ABCC9: variants seen among roughly 807,000 people sequenced by gnomAD.
ABCC9 encodes the protein ATP binding cassette subfamily C member 9, also known as ATP-binding cassette sub-family C member 9.
A neutral mutation model predicts 188.3 loss-of-function variants in ABCC9; 95 were observed. The ratio of observed to expected loss-of-function variants is 0.50; its 90% CI spans 0.43 to 0.60. The LOEUF (loss-of-function observed/expected upper bound fraction) is 0.60. ABCC9 is among the 20% of genes least tolerant of loss of function. The probability of loss-of-function intolerance (pLI) is 0.00; values close to 1 mark genes in which losing one functional copy is unlikely to be tolerated. For missense variants in ABCC9, 1,102 were observed against 1,876.3 expected, an observed-to-expected ratio of 0.59 and a Z score of 7.62; for synonymous variants, 659 against 652.7, an observed-to-expected ratio of 1.01 and a Z score of -0.15.
chr12:21,826,270 A>G (rs923490675), intron 31 of ABCC9, among the ~76,000 whole-genome samples: 2 of 152,192 alleles, frequency 1.3e-5, no homozygotes, highest in South Asian at 4.1e-4. Context: ...TACTTTAAAA[A>G]AAAAAAGACT....
intron 39 of ABCC9, 23 bp downstream of exon 39, chr12:21,805,975 C>A: frequency 6.2e-7 from 1 of 1,612,308 alleles, no homozygotes; most frequent in Non-Finnish European, 8.5e-7. Flanking sequence ...AGAGGTATAC[C>A]AACTCCGTCT....
intron 28 of ABCC9, among the ~76,000 whole-genome samples, chr12:21,843,044 A>G (rs1034332054): frequency 1.3e-5 from 2 of 152,116 alleles, no homozygotes; most frequent in African/African-American, 4.8e-5. Context: ...TAGCTCAATC[A>G]CAATTTAAAG....
chr12:21,818,760 T>A (rs1942846036), intron 31 of ABCC9, among the ~76,000 whole-genome samples: 1 of 151,732 alleles, frequency 6.6e-6, no homozygotes, highest in African/African-American at 2.4e-5. Context: ...GGATTATGAT[T>A]AGCTCCTTTG....
At chr12:21,873,594 C>T (rs1359954040) in intron 17 of ABCC9, among the ~76,000 whole-genome samples, 2 of 151,928 alleles carry the variant, frequency 1.3e-5, no homozygotes, top group East Asian at 3.9e-4. Context: ...AAGAGTAGAC[C>T]CCAAATACCC....
chr12:21,807,859 C>T (rs1164215583), intron 37 of ABCC9, among the ~76,000 whole-genome samples: 1 of 152,110 alleles, frequency 6.6e-6, no homozygotes, highest in Non-Finnish European at 1.5e-5. Context: ...TGATAAGATA[C>T]AGAATATTCT....
chr12:21,926,003 AG>A lies in ABCC9; in HGVS notation c.344del (p.Thr115IlefsTer5). On this transcript the variant is annotated frameshift_variant, in exon 5 of 40. Coordinates refer to ENST00000261200, the MANE Select transcript of ABCC9 (RefSeq NM_020297.4). LOFTEE classifies it high-confidence loss of function. Reference sequence around the variant, plus strand: ...TATGATAATACACTATCGATGTTGTAGTGGCAACGAATCCCATCACGGCTGG... The same window carrying A: ...TATGATAATACACTATCGATGTTGTATGGCAACGAATCCCATCACGGCTGG... ...FMPAVMGFVA[T>X]TTSIVYYHNI... 6.2e-7 allele frequency: 1 copy of A among 1,614,124 alleles called. No individual in the cohort carries two copies. The highest frequency in any genetic ancestry group is 8.5e-7 in the Non-Finnish European group (1 of 1,179,948).
intron 15 of ABCC9, among the ~76,000 whole-genome samples, chr12:21,885,586 GT>G (rs1946833839): frequency 6.6e-6 from 1 of 152,066 alleles, no homozygotes; most frequent in Non-Finnish European, 1.5e-5. Flanking sequence ...GACGAGACTG[GT>G]TCTAATCAAA....
intron 5 of ABCC9, chr12:21,923,899 C>T (rs1948942008): frequency 5.8e-6 from 4 of 689,714 alleles, no homozygotes; most frequent in South Asian, 4.7e-5. Context: ...ATTGAAAAAA[C>T]TATGATATAG....
rs544044497 is a variant in ABCC9, at chr12:21,916,561, T to G, written c.573+376A>C. 4.6e-5 allele frequency among the ~76,000 whole-genome samples: 7 copies of G among 152,302 alleles called. No individual in the cohort carries two copies. The South Asian group carries it at 8.3e-4, about 18-fold the overall frequency. ...GCAAAATGAGCAAACTGGATTAGAT[T>G]ATTTTCTTTTCAGTTTTAAATTTCT... On this transcript the variant is annotated intron_variant, in intron 6 of 39. Transcript: ENST00000261200.
chr12:21,927,317 G>A (rs1949081408), intron 4 of ABCC9, among the ~76,000 whole-genome samples: 1 of 152,158 alleles, frequency 6.6e-6, no homozygotes, highest in Non-Finnish European at 1.5e-5. Flanking sequence ...TAAACGGATA[G>A]CTCTAGCAGT....
At chr12:21,914,986 C>T (rs1024860466) in intron 7 of ABCC9, among the ~76,000 whole-genome samples, 19 of 150,078 alleles carry the variant, frequency 1.3e-4, no homozygotes, top group African/African-American at 4.7e-4. Context: ...CCACAACTTT[C>T]GCCTCCCGGT....
At chr12:21,811,003 T>C (rs979158053) in intron 36 of ABCC9, among the ~76,000 whole-genome samples, 1 of 152,104 alleles carries the variant, frequency 6.6e-6, no homozygotes, top group African/African-American at 2.4e-5. Flanking sequence ...GATGCTGATA[T>C]CATTTTGCTC....
chr12:21,842,265 C>T lies in ABCC9; in HGVS notation c.3473+49G>A, dbSNP rs781388572. On this transcript the variant is annotated intron_variant, in intron 29 of 39. Coordinates refer to ENST00000261200, the MANE Select transcript of ABCC9 (RefSeq NM_020297.4). Reference sequence around the variant, plus strand: ...TGGCAGAACCCATGAATAGAGAGGGCTGACTGTAGATAAGCTTTTGAAAAT... The same window carrying T: ...TGGCAGAACCCATGAATAGAGAGGGTTGACTGTAGATAAGCTTTTGAAAAT... 2.5e-6 allele frequency: 4 copies of T among 1,588,964 alleles called. No homozygotes were observed. The East Asian group carries it at 9.2e-5, about 36-fold the overall frequency.
chr12:21,806,731 A>G (rs1172419421), intron 38 of ABCC9, among the ~76,000 whole-genome samples: 1 of 152,204 alleles, frequency 6.6e-6, no homozygotes, highest in Non-Finnish European at 1.5e-5. Flanking sequence ...AACTTTCAGA[A>G]GAATATTAAT....
chr12:21,875,977 G>A (rs990371247), intron 16 of ABCC9, among the ~76,000 whole-genome samples: 2 of 152,002 alleles, frequency 1.3e-5, no homozygotes, highest in Non-Finnish European at 1.5e-5. Context: ...CCAGCTACTC[G>A]GGAGGCTGAG....
chr12:21,869,209 T>C (rs116220491), intron 18 of ABCC9, among the ~76,000 whole-genome samples: 13 of 152,310 alleles, frequency 8.5e-5, no homozygotes, highest in African/African-American at 3.1e-4. Flanking sequence ...AATTTTTAGG[T>C]TACAGGAATT....
intron 31 of ABCC9, among the ~76,000 whole-genome samples, chr12:21,824,350 C>T (rs1278124860): frequency 1.3e-5 from 2 of 152,044 alleles, no homozygotes; most frequent in African/African-American, 2.4e-5. Context: ...CCGACTTGAT[C>T]GTGGTGGATA....
chr12:21,829,326 T>C lies in ABCC9; in HGVS notation c.3567-266A>G, dbSNP rs552584908. Among the ~76,000 whole-genome samples, 28 of 146,170 alleles carry C rather than the reference T, an allele frequency of 1.9e-4. No homozygotes were observed. The South Asian group carries it at 2.3e-3, about 12-fold the overall frequency. On this transcript the variant is annotated intron_variant, in intron 30 of 39. Coordinates refer to ENST00000261200, the MANE Select transcript of ABCC9 (RefSeq NM_020297.4). ...ACACCATTCTTCTGCCTCAGCCTCC[T>C]GAGTAGCTGGGACTACAGGCACCCG...
At chr12:21,851,430 T>C (rs1944960039) in intron 24 of ABCC9, among the ~76,000 whole-genome samples, 1 of 152,192 alleles carries the variant, frequency 6.6e-6, no homozygotes, top group Admixed American at 6.5e-5. Flanking sequence ...CAACTTTAGG[T>C]AAGTTACTTA....
Sources: gnomAD v4.1 joint callset for allele counts (sites outside exome capture counted in the v4.1 genomes callset) on GRCh38, gnomAD v4.1.1 for gene constraint, MANE v1.5 for transcripts, NCBI Gene and HGNC (gene_info 2026-07-23, HGNC 2026-07-21) for gene names.